The following OR2G6 variants were observed in gnomAD, a reference collection of about 807,000 sequenced individuals.
The protein encoded by OR2G6 is olfactory receptor 2G6.
For synonymous variants in OR2G6, 183 were observed against 155.2 expected (o/e 1.18, Z -1.33); for missense variants, 457 against 391.3 (o/e 1.17, Z -1.42).
In OR2G6 at chr1:248,526,519, T is replaced by C. The variant is rs1384004286; in HGVS notation, c.*3922T>C. 1 of 152,166 alleles carries C rather than the reference T, an allele frequency of 6.6e-6. No homozygotes were observed. The highest frequency in any genetic ancestry group is 2.4e-5 in the African/African-American group (1 of 41,402). 9.4% of individuals were successfully genotyped at this position (152,166 alleles called of 1,614,324 possible). The stretch of plus-strand genomic sequence containing the variant: ...AGCCCCAGTCTTAGGAAATCCTCCC[T>C]ATACTCATGATTTTTACCTTCAGGA... On this transcript the variant is annotated 3_prime_UTR_variant, in exon 2 of 2. Transcript: ENST00000641804.
In OR2G6 at chr1:248,525,253, CA is replaced by C. The variant is rs1664371473; in HGVS notation, c.*2657del. The C allele has an allele frequency of 6.6e-6, 1 of 151,980 alleles. No homozygotes were observed. Among genetic ancestry groups the C allele is most frequent in the African/African-American group, 2.4e-5 (1 of 41,360 alleles). 9.4% of individuals were successfully genotyped at this position (151,980 alleles called of 1,614,324 possible). A position where few individuals can be genotyped will look rare whatever the true frequency, so the allele number is the denominator to read the frequency against. ...ATAAATACAATTAGTAAATCTAAAA[CA>C]GGTACACATCAGTCAATTTGCACAC... On this transcript the variant is annotated 3_prime_UTR_variant, in exon 2 of 2. Coordinates refer to ENST00000641804, the MANE Select transcript of OR2G6 (RefSeq NM_001013355.2).
In OR2G6 at chr1:248,522,044, T is replaced by C. The variant is rs1212964057; in HGVS notation, c.398T>C (p.Ile133Thr). The change falls in exon 2 of 2, where the codon ATA (isoleucine) becomes ACA (threonine). Residue 133 changes from isoleucine to threonine, a missense_variant. Transcript: ENST00000641804. ...YAAVCRPLRY[I>T]AIMHPRFCAS... ...GCTGTCTGCCGGCCACTGCGCTACA[T>C]AGCCATTATGCACCCCAGGTTCTGT... 2 of 1,614,176 alleles carry C rather than the reference T, an allele frequency of 1.2e-6. No homozygotes were observed. Among genetic ancestry groups the C allele is most frequent in the Admixed American group, 3.3e-5 (2 of 60,012 alleles).
rs912616921 is a variant in OR2G6, at chr1:248,526,501, G to A, written c.*3904G>A. 1 of 152,188 alleles carries A rather than the reference G, an allele frequency of 6.6e-6. No individual in the cohort carries two copies. Among genetic ancestry groups the A allele is most frequent in the Non-Finnish European group, 1.5e-5 (1 of 68,034 alleles). The allele number at this position is 152,188 out of a possible 1,614,324, so 9.4% of individuals were successfully genotyped here. On this transcript the variant is annotated 3_prime_UTR_variant, in exon 2 of 2. Transcript: ENST00000641804. ...CAAATAAAAAAAATGTTGAGCCCCA[G>A]TCTTAGGAAATCCTCCCTATACTCA... is the stretch of plus-strand genomic sequence containing the variant.
chr1:248,524,935 A>G lies in OR2G6; in HGVS notation c.*2338A>G, dbSNP rs1241828483. 1.3e-5 allele frequency: 2 copies of G among 152,202 alleles called. No homozygotes were observed. The highest frequency in any genetic ancestry group is 4.8e-5 in the African/African-American group (2 of 41,464). The allele number at this position is 152,202 out of a possible 1,614,324, so 9.4% of individuals were successfully genotyped here. A position where few individuals can be genotyped will look rare whatever the true frequency, so the allele number is the denominator to read the frequency against. On this transcript the variant is annotated 3_prime_UTR_variant, in exon 2 of 2. Coordinates refer to ENST00000641804, the MANE Select transcript of OR2G6 (RefSeq NM_001013355.2). ...ACCTAAAAAAACTACTTAACTGCAG[A>G]TGAAAATGGGAACACATTTGAAAAT...
Position 248,523,140 on chromosome 1 carries a change from G to A in OR2G6, c.*543G>A, listed in dbSNP as rs1294837490. On this transcript the variant is annotated 3_prime_UTR_variant, in exon 2 of 2. Transcript: ENST00000641804. ...TACCATTTCTACATTTCACATTTGA[G>A]ATATATGTATACATATATCTCTAAC... The A allele has an allele frequency of 6.4e-6, 1 of 155,552 alleles. No individual in the cohort carries two copies. Among genetic ancestry groups the A allele is most frequent in the Non-Finnish European group, 1.4e-5 (1 of 70,390 alleles). The allele number at this position is 155,552 out of a possible 1,614,324, so 9.6% of individuals were successfully genotyped here. A position where few individuals can be genotyped will look rare whatever the true frequency, so the allele number is the denominator to read the frequency against.
Position 248,521,868 on chromosome 1 carries a change from C to T in OR2G6, c.222C>T (p.Thr74=). Residue 74 remains threonine (T), a synonymous_variant, in exon 2 of 2, where the codon ACC becomes ACT. Coordinates refer to ENST00000641804, the MANE Select transcript of OR2G6 (RefSeq NM_001013355.2). ...SNLSCVDICF[T]TSVAPQLLVT... is the part of the protein sequence containing the mutation. ...TCTCGTGTGTGGACATCTGCTTTAC[C>T]ACCAGTGTTGCCCCACAGTTGCTGG... 1 of 1,614,104 alleles carries T rather than the reference C, an allele frequency of 6.2e-7. No homozygotes were observed. The highest frequency in any genetic ancestry group is 8.5e-7 in the Non-Finnish European group (1 of 1,180,016).
chr1:248,520,411 T>TTAAAG (rs111473373), intron 1 of OR2G6, among the ~76,000 whole-genome samples: 3,916 of 152,260 alleles, frequency 0.026, 96 homozygotes, highest in African/African-American at 0.071. Flanking sequence ...ACCCTAGAAC[T>TTAAAG]TATAGTTTAA....
Position 248,522,454 on chromosome 1 carries a change from C to G in OR2G6, c.808C>G (p.Gln270Glu). 1.2e-6 allele frequency: 2 copies of G among 1,614,108 alleles called. No homozygotes were observed. The highest frequency in any genetic ancestry group is 1.7e-6 in the Non-Finnish European group (2 of 1,180,010). Residue 270 changes from glutamine to glutamate, a missense_variant, in exon 2 of 2, where the codon CAG becomes GAG. Coordinates refer to ENST00000641804, the MANE Select transcript of OR2G6 (RefSeq NM_001013355.2). The stretch of plus-strand genomic sequence containing the variant: ...ACCGGCCAATAGGAGATCCAAAAAC[C>G]AGGGAAAGTTTGTTTCTCTTTTCTA... ...LQPANRRSKN[Q>E]GKFVSLFYTI...
chr1:248,521,853 G>T lies in OR2G6; in HGVS notation c.207G>T (p.Val69=), dbSNP rs1390622964. The part of the protein sequence containing the change: ...MYFFLSNLSC[V]DICFTTSVAP... ...TCTTCCTCAGCAACCTCTCGTGTGT[G>T]GACATCTGCTTTACCACCAGTGTTG... Residue 69 remains valine, a synonymous_variant, in exon 2 of 2, where the codon GTG becomes GTT. Coordinates refer to ENST00000641804, the MANE Select transcript of OR2G6 (RefSeq NM_001013355.2). The T allele has an allele frequency of 1.2e-6, 2 of 1,614,134 alleles. No individual in the cohort carries two copies. The highest frequency in any genetic ancestry group is 3.3e-5 in the Admixed American group (2 of 60,010).
chr1:248,521,957 C>T lies in OR2G6; in HGVS notation c.311C>T (p.Ala104Val), dbSNP rs752698296. 1.2e-6 allele frequency: 2 copies of T among 1,614,134 alleles called. No homozygotes were observed. The highest frequency in any genetic ancestry group is 2.2e-5 in the East Asian group (1 of 44,880). Residue 104 changes from alanine (A) to valine (V), a missense_variant, in exon 2 of 2, where the codon GCC (alanine) becomes GTC (valine). Transcript: ENST00000641804. ...YGGCVAQLYVAMGLGSSECIL... is the reference protein window; with the variant it reads ...YGGCVAQLYVVMGLGSSECIL... ...GGCTGTGTGGCCCAGCTCTATGTGG[C>T]CATGGGGTTGGGCTCGTCTGAGTGT...
In OR2G6 at chr1:248,522,427, C is replaced by A; in HGVS notation, c.781C>A (p.Gln261Lys). The change falls in exon 2 of 2, where the codon CAA becomes AAA. Residue 261 changes from glutamine to lysine, a missense_variant. By Grantham distance (53) the Gln-to-Lys change is moderately conservative. Coordinates refer to ENST00000641804, the MANE Select transcript of OR2G6 (RefSeq NM_001013355.2). ...FYGTIIFMYLQPANRRSKNQG... is the reference protein window; with the variant it reads ...FYGTIIFMYLKPANRRSKNQG... ...TGGGACCATCATATTCATGTACCTTCAACCGGCCAATAGGAGATCCAAAAA... is the reference window on the plus strand; with the variant it reads ...TGGGACCATCATATTCATGTACCTTAAACCGGCCAATAGGAGATCCAAAAA... The A allele has an allele frequency of 6.2e-7, 1 of 1,614,192 alleles. No individual in the cohort carries two copies. Among genetic ancestry groups the A allele is most frequent in the African/African-American group, 1.3e-5 (1 of 75,034 alleles).
chr1:248,523,334 C>A lies in OR2G6; in HGVS notation c.*737C>A, dbSNP rs1329345665. The A allele has an allele frequency of 6.6e-6, 1 of 151,920 alleles. No homozygotes were observed. The highest frequency in any genetic ancestry group is 2.4e-5 in the African/African-American group (1 of 41,262). The allele number at this position is 151,920 out of a possible 1,614,324, so 9.4% of individuals were successfully genotyped here. A position where few individuals can be genotyped will look rare whatever the true frequency, so the allele number is the denominator to read the frequency against. On this transcript the variant is annotated 3_prime_UTR_variant, in exon 2 of 2. Transcript: ENST00000641804. ...TTTGGTTCCACAGAATTGTGGGATG[C>A]AAATAATGACTAATATTTTATTAAA...
Position 248,523,026 on chromosome 1 carries a change from A to G in OR2G6, c.*429A>G, listed in dbSNP as rs776020928. Reference sequence around the variant, plus strand: ...AAAACTCAGCTGAAATGTCACCTGCACTCACTAGCTGTCCTGAAACACCAT... The same window carrying G: ...AAAACTCAGCTGAAATGTCACCTGCGCTCACTAGCTGTCCTGAAACACCAT... On this transcript the variant is annotated 3_prime_UTR_variant, in exon 2 of 2. Transcript: ENST00000641804. 2 of 166,234 alleles carry G rather than the reference A, an allele frequency of 1.2e-5. No individual in the cohort carries two copies. Among genetic ancestry groups the G allele is most frequent in the Middle Eastern group, 2.8e-3 (1 of 356 alleles). The allele number at this position is 166,234 out of a possible 1,614,324, so 10.3% of individuals were successfully genotyped here.
At chr1:248,519,800 G>C (rs1164146488) in intron 1 of OR2G6, among the ~76,000 whole-genome samples, 1 of 152,126 alleles carries the variant, frequency 6.6e-6, no homozygotes, top group African/African-American at 2.4e-5. Context: ...GCTTAGGATT[G>C]TCTTGGCTAT....
chr1:248,521,685 T>C lies in OR2G6; in HGVS notation c.39T>C (p.Leu13=). 6 of 1,613,980 alleles carry C rather than the reference T, an allele frequency of 3.7e-6. No homozygotes were observed. The highest frequency in any genetic ancestry group is 4.2e-6 in the Non-Finnish European group (5 of 1,179,960). Residue 13 remains leucine (L), a synonymous_variant, in exon 2 of 2, where the codon CTT becomes CTC. Coordinates refer to ENST00000641804, the MANE Select transcript of OR2G6 (RefSeq NM_001013355.2). The part of the protein sequence containing the change: ...ETNNSSEKGF[L]LLGFSDQPQL... ...ACAACAGCTCTGAAAAGGGATTTCT[T>C]CTCCTGGGATTTTCAGATCAGCCTC...
chr1:248,521,986 C>G lies in OR2G6; in HGVS notation c.340C>G (p.Leu114Val), dbSNP rs773511298. The G allele has an allele frequency of 6.2e-7, 1 of 1,614,140 alleles. No homozygotes were observed. Among genetic ancestry groups the G allele is most frequent in the East Asian group, 2.2e-5 (1 of 44,882 alleles). ...AMGLGSSECI[L>V]LAVMAYDRYA... ...GGGGTTGGGCTCGTCTGAGTGTATT[C>G]TCTTGGCCGTCATGGCTTATGACCG... The change falls in exon 2 of 2, where the codon CTC becomes GTC. Residue 114 changes from leucine to valine, a missense_variant. By Grantham distance (32) the Leu-to-Val change is conservative. Coordinates refer to ENST00000641804, the MANE Select transcript of OR2G6 (RefSeq NM_001013355.2).
In OR2G6 at chr1:248,521,894, T is replaced by G. The variant is rs1443806085; in HGVS notation, c.248T>G (p.Val83Gly). 6.2e-7 allele frequency: 1 copy of G among 1,614,074 alleles called. No homozygotes were observed. The highest frequency in any genetic ancestry group is 1.7e-5 in the Admixed American group (1 of 60,004). Residue 83 changes from valine to glycine, a missense_variant, in exon 2 of 2, where the codon GTT (valine) becomes GGT (glycine). Transcript: ENST00000641804. ...FTTSVAPQLLVTMNKKDKTMS... is the reference protein window; with the variant it reads ...FTTSVAPQLLGTMNKKDKTMS... ...ACCAGTGTTGCCCCACAGTTGCTGGTTACCATGAATAAGAAAGACAAAACC... is the reference window on the plus strand; with the variant it reads ...ACCAGTGTTGCCCCACAGTTGCTGGGTACCATGAATAAGAAAGACAAAACC...
At position 248,523,556 on chromosome 1, in the gene OR2G6, C is replaced by T. The variant is rs568630892; in HGVS notation, c.*959C>T. On this transcript the variant is annotated 3_prime_UTR_variant, in exon 2 of 2. Transcript: ENST00000641804. ...AATATGAATCCCACACACTGTCTCA[C>T]GTTAACGATCATAGTTATATGTTTG... is the stretch of plus-strand genomic sequence containing the variant. 48 of 152,238 alleles carry T rather than the reference C, an allele frequency of 3.2e-4. No homozygotes were observed. Among genetic ancestry groups the T allele is most frequent in the Admixed American group, 7.2e-4 (11 of 15,282 alleles). 9.4% of individuals were successfully genotyped at this position (152,238 alleles called of 1,614,324 possible).
At position 248,521,949 on chromosome 1, in the gene OR2G6, C is replaced by G. The variant is rs750445385; in HGVS notation, c.303C>G (p.Leu101=). ...GCTACGGTGGCTGTGTGGCCCAGCT[C>G]TATGTGGCCATGGGGTTGGGCTCGT... ...TMSYGGCVAQ[L]YVAMGLGSSE... The change falls in exon 2 of 2, where the codon CTC becomes CTG. Residue 101 remains leucine (L), a synonymous_variant. Coordinates refer to ENST00000641804, the MANE Select transcript of OR2G6 (RefSeq NM_001013355.2). The G allele has an allele frequency of 1.2e-6, 2 of 1,614,152 alleles. No homozygotes were observed. Among genetic ancestry groups the G allele is most frequent in the South Asian group, 1.1e-5 (1 of 91,084 alleles).
Sources: gnomAD v4.1 joint callset for allele counts (sites outside exome capture counted in the v4.1 genomes callset) on GRCh38, gnomAD v4.1.1 for gene constraint, MANE v1.5 for transcripts, NCBI Gene and HGNC (gene_info 2026-07-23, HGNC 2026-07-21) for gene names.